The following BPIFB4 variants were observed in gnomAD, a reference collection of about 807,000 sequenced individuals.
BPIFB4 encodes BPI fold containing family B member 4.
Under a neutral mutation model 69.2 loss-of-function variants are expected in BPIFB4, and 62 were observed. The ratio of observed to expected loss-of-function variants is 0.90; its 90% CI spans 0.73 to 1.11. The LOEUF is 1.11. Ranked by LOEUF, BPIFB4 falls within the 50% of genes least tolerant of loss-of-function variation. The probability of loss-of-function intolerance (pLI) is 0.00; values close to 1 mark genes in which losing one functional copy is unlikely to be tolerated. For missense variants in BPIFB4, 789 were observed against 792.0 expected (o/e 1.00, Z 0.04); for synonymous variants, 330 against 332.7 (o/e 0.99, Z 0.09).
chr20:33,093,451 C>CTAT (rs973661091), intron 11 of BPIFB4, among the ~76,000 whole-genome samples: 12 of 151,482 alleles, frequency 7.9e-5, no homozygotes, highest in African/African-American at 2.9e-4. Flanking sequence ...ATTCATCCAT[C>CTAT]TATCCATCCA....
In BPIFB4 at chr20:33,083,410, C is replaced by G. The variant is rs145261889; in HGVS notation, c.213C>G (p.Pro71=). 129 of 1,613,506 alleles carry G rather than the reference C, an allele frequency of 8.0e-5. No homozygotes were observed. The highest frequency in any genetic ancestry group is 5.3e-4 in the African/African-American group (40 of 74,876). ...ACAATGACTTCCATGTCCGAGGACC[C>G]CCCCCAGTATATACCAACGGCAAAA... ...IPYNDFHVRG[P]PPVYTNGKKL... The change falls in exon 5 of 18, where the codon CCC becomes CCG. Residue 71 remains proline, a synonymous_variant. Coordinates refer to ENST00000375483, the MANE Select transcript of BPIFB4 (RefSeq NM_182519.3).
intron 13 of BPIFB4, among the ~76,000 whole-genome samples, chr20:33,098,677 G>A (rs779012639): frequency 4.6e-5 from 7 of 151,034 alleles, no homozygotes; most frequent in Non-Finnish European, 7.4e-5. Context: ...CCTGGGAGGC[G>A]GAGGCTGCAG....
At chr20:33,104,484 C>T (rs1006874592) in intron 15 of BPIFB4, among the ~76,000 whole-genome samples, 1 of 152,170 alleles carries the variant, frequency 6.6e-6, no homozygotes, top group African/African-American at 2.4e-5. Context: ...ATGACAGTGC[C>T]ATCGGGGCCA....
chr20:33,100,381 A>G, intron 13 of BPIFB4, 45 bp from the exon 14 acceptor site: 1 of 1,510,754 alleles, frequency 6.6e-7, no homozygotes, highest in Non-Finnish European at 9.2e-7. Context: ...AGCACTGGCC[A>G]AGACATGAAG....
In BPIFB4 at chr20:33,092,543, C is replaced by A. The variant is rs1342967937; in HGVS notation, c.1229C>A (p.Pro410His). ...AVSPKPMPEL[P>H]PMGDNTKSQL... ...TCTCCCAAGCCGATGCCAGAGCTGC[C>A]TCCCATGGGTGACAACACCAAGTCC... Residue 410 changes from proline to histidine, a missense_variant, in exon 11 of 18, where the codon CCT becomes CAT. By Grantham distance (77) the Pro-to-His change is moderately conservative. Around this residue, in one of 3 missense-constraint regions of BPIFB4, gnomAD observed 611 missense variants for 575.4 expected, o/e 1.06. Coordinates refer to ENST00000375483, the MANE Select transcript of BPIFB4 (RefSeq NM_182519.3). 1 of 1,614,040 alleles carries A rather than the reference C, an allele frequency of 6.2e-7. No individual in the cohort carries two copies. Among genetic ancestry groups the A allele is most frequent in the Non-Finnish European group, 8.5e-7 (1 of 1,180,028 alleles).
chr20:33,094,845 G>A (rs1981711971), intron 11 of BPIFB4, among the ~76,000 whole-genome samples: 1 of 152,158 alleles, frequency 6.6e-6, no homozygotes. Flanking sequence ...TTCAGGTTTT[G>A]CCTGCTGTTC....
At chr20:33,082,575 A>G (rs1412511956) in intron 3 of BPIFB4, among the ~76,000 whole-genome samples, 2 of 151,790 alleles carry the variant, frequency 1.3e-5, no homozygotes, top group Non-Finnish European at 2.9e-5. Context: ...CTCATAATCC[A>G]CCCTCCTCAG....
rs1981299663 is a variant in BPIFB4, at chr20:33,083,347, ACG to A, written c.170-18_170-17del. ...GCCGACACCATTACAATGACTACAG[ACG>A]CATTGAATTCCCCCGAGGTGTTGGT... On this transcript the variant is annotated intron_variant, in intron 4 of 17. Coordinates refer to ENST00000375483, the MANE Select transcript of BPIFB4 (RefSeq NM_182519.3). The A allele has an allele frequency of 1.2e-6, 2 of 1,605,910 alleles. No individual in the cohort carries two copies.
intron 17 of BPIFB4, among the ~76,000 whole-genome samples, chr20:33,110,087 C>T (rs1281405328): frequency 2.0e-5 from 3 of 152,056 alleles, no homozygotes; most frequent in Non-Finnish European, 1.5e-5. Flanking sequence ...GGTACAAAAC[C>T]GTGAAGAATC....
At position 33,086,148 on chromosome 20, in the gene BPIFB4, G is replaced by A. The variant is rs1209755945; in HGVS notation, c.910G>A (p.Val304Ile). 2 of 1,606,418 alleles carry A rather than the reference G, an allele frequency of 1.2e-6. No homozygotes were observed. The highest frequency in any genetic ancestry group is 1.7e-5 in the Admixed American group (1 of 59,898). The part of the protein sequence containing the change: ...RCDTLLGGIK[V>I]KLLRGLLPNL... ...TGACACCCTCCTAGGGGGCATCAAAGTCAAGCTGCTGCGAGGGTGAGTGCT... is the reference window on the plus strand; with the variant it reads ...TGACACCCTCCTAGGGGGCATCAAAATCAAGCTGCTGCGAGGGTGAGTGCT... The change falls in exon 7 of 18, where the codon GTC (valine) becomes ATC (isoleucine). Residue 304 changes from valine (V) to isoleucine (I), a missense_variant. This residue lies in a region of BPIFB4 where 611 missense variants were observed against 575.4 expected (regional missense o/e 1.06). Coordinates refer to ENST00000375483, the MANE Select transcript of BPIFB4 (RefSeq NM_182519.3).
intron 16 of BPIFB4, 25 bp downstream of exon 16, chr20:33,104,898 C>A: frequency 1.2e-6 from 2 of 1,611,826 alleles, no homozygotes; most frequent in Non-Finnish European, 1.7e-6. Context: ...CTGTGCCTCT[C>A]TGGGAGCTTG....
intron 9 of BPIFB4, 40 bp downstream of exon 9, chr20:33,089,598 G>A (rs375201236): frequency 8.7e-6 from 14 of 1,613,902 alleles, no homozygotes; most frequent in Admixed American, 5.0e-5. Flanking sequence ...GGAAGGCACT[G>A]AGGACCGGGC....
At position 33,093,710 on chromosome 20, in the gene BPIFB4, C is replaced by T. The variant is rs561868066; in HGVS notation, c.1344+1052C>T. ...CCACCTATCCACTCACTCACCCACCCATTTACCCATCAACCCACTCATCCA... is the reference window on the plus strand; with the variant it reads ...CCACCTATCCACTCACTCACCCACCTATTTACCCATCAACCCACTCATCCA... On this transcript the variant is annotated intron_variant, in intron 11 of 17. Transcript: ENST00000375483. 2.0e-5 allele frequency among the ~76,000 whole-genome samples: 3 copies of T among 151,686 alleles called. No individual in the cohort carries two copies. In the East Asian group the frequency reaches 5.8e-4, roughly 30 times the overall value.
Position 33,080,940 on chromosome 20 carries a change from T to C in BPIFB4, c.-16+364T>C, listed in dbSNP as rs374018071. Reference sequence around the variant, plus strand: ...AGAGGGAGGAGAATGAGTTGATGAGTGGATGGATGGTTGGTTGGATGGATG... The same window carrying C: ...AGAGGGAGGAGAATGAGTTGATGAGCGGATGGATGGTTGGTTGGATGGATG... On this transcript the variant is annotated intron_variant, in intron 2 of 17. Coordinates refer to ENST00000375483, the MANE Select transcript of BPIFB4 (RefSeq NM_182519.3). Among the ~76,000 whole-genome samples the C allele has an allele frequency of 2.6e-5, 4 of 151,650 alleles. No individual in the cohort carries two copies. The East Asian group carries it at 7.8e-4, about 29-fold the overall frequency.
chr20:33,092,417 C>G (rs1259589164), intron 10 of BPIFB4, 41 bp from the exon 11 acceptor site: 1 of 1,554,210 alleles, frequency 6.4e-7, no homozygotes, highest in Non-Finnish European at 8.8e-7. Context: ...TTCTTTCCAT[C>G]TTCTCCCTCC....
chr20:33,092,877 G>A (rs557892929), intron 11 of BPIFB4, among the ~76,000 whole-genome samples: 2 of 152,310 alleles, frequency 1.3e-5, no homozygotes, highest in South Asian at 2.1e-4. Flanking sequence ...CAAATCTCAC[G>A]ATGAGAAAGT....
At position 33,083,020 on chromosome 20, in the gene BPIFB4, T is replaced by C. The variant is rs774576285; in HGVS notation, c.169+20T>C. 1.4e-6 allele frequency: 2 copies of C among 1,416,772 alleles called. No individual in the cohort carries two copies. The highest frequency in any genetic ancestry group is 7.4e-5 in the East Asian group (2 of 27,192). 87.8% of individuals were successfully genotyped at this position (1,416,772 alleles called of 1,614,324 possible). A position where few individuals can be genotyped will look rare whatever the true frequency, so the allele number is the denominator to read the frequency against. On this transcript the variant is annotated intron_variant, in intron 4 of 17. Transcript: ENST00000375483. ...CCTTGGGTAAAGCCCGTGGTGATGG[T>C]GGTGGGCCTCTCCTGGGCGGTCTGC...
Position 33,088,998 on chromosome 20 carries a change from A to G in BPIFB4, c.959A>G (p.Asn320Ser), listed in dbSNP as rs2889732. ...LLPNLVDNLVNRVLADVLPDL... is the reference protein window; with the variant it reads ...LLPNLVDNLVSRVLADVLPDL... Reference sequence around the variant, plus strand: ...CCCAATCTCGTGGACAATTTAGTGAACCGAGTCCTGGCCGACGTCCTCCCT... The same window carrying G: ...CCCAATCTCGTGGACAATTTAGTGAGCCGAGTCCTGGCCGACGTCCTCCCT... The change falls in exon 8 of 18, where the codon AAC becomes AGC. Residue 320 changes from asparagine (N) to serine (S), a missense_variant. Coordinates refer to ENST00000375483, the MANE Select transcript of BPIFB4 (RefSeq NM_182519.3). 1 of 1,613,532 alleles carries G rather than the reference A, an allele frequency of 6.2e-7. No individual in the cohort carries two copies. Among genetic ancestry groups the G allele is most frequent in the Non-Finnish European group, 8.5e-7 (1 of 1,179,748 alleles).
intron 15 of BPIFB4, among the ~76,000 whole-genome samples, chr20:33,103,791 T>C (rs1410278111): frequency 5.9e-5 from 9 of 152,240 alleles, no homozygotes; most frequent in Admixed American, 2.6e-4. Flanking sequence ...AAGCCGATCT[T>C]GCCAGCTTCA....
Sources: allele counts gnomAD v4.1 joint callset (sites outside exome capture counted in the v4.1 genomes callset), GRCh38; gene constraint gnomAD v4.1.1; regional missense constraint gnomAD v4.1.1; transcripts MANE v1.5; gene names NCBI Gene and HGNC (gene_info 2026-07-23, HGNC 2026-07-21).